The following TMEM131 variants were observed in gnomAD, a reference collection of about 807,000 sequenced individuals.
TMEM131 encodes the protein transmembrane protein 131, also known as 2610524E03Rik.
A neutral mutation model predicts 211.6 loss-of-function variants in TMEM131; 66 were observed. The observed-to-expected ratio is 0.31, with a 90% CI of 0.26 to 0.38. The LOEUF (loss-of-function observed/expected upper bound fraction) is 0.38, where lower values mean the gene tolerates loss of function less well. TMEM131 is among the 10% of genes least tolerant of loss of function. The pLI is 1.00. For synonymous variants in TMEM131, 844 were observed against 841.3 expected (o/e 1.00, Z -0.06); for missense variants, 2,036 against 2,299.3 (o/e 0.89, Z 2.34).
chr2:97,879,893 G>C (rs1448035266), intron 4 of TMEM131, among the ~76,000 whole-genome samples: 4 of 152,180 alleles, frequency 2.6e-5, no homozygotes, highest in African/African-American at 9.7e-5. Context: ...AAAGTTACAT[G>C]TGAATTTTCA....
At chr2:97,876,912 G>C (rs1331752719) in intron 4 of TMEM131, among the ~76,000 whole-genome samples, 1 of 152,122 alleles carries the variant, frequency 6.6e-6, no homozygotes, top group Non-Finnish European at 1.5e-5. Flanking sequence ...AAGTCAAATT[G>C]TATCTGTTTG....
intron 4 of TMEM131, among the ~76,000 whole-genome samples, chr2:97,874,074 C>A (rs1406192570): frequency 6.6e-6 from 1 of 152,106 alleles, no homozygotes; most frequent in South Asian, 2.1e-4. Context: ...CTTTGTGAAG[C>A]ATACACAAGT....
intron 1 of TMEM131, among the ~76,000 whole-genome samples, chr2:97,973,461 T>C (rs112589715): frequency 0.023 from 3,510 of 151,962 alleles, 57 homozygotes; most frequent in Middle Eastern, 0.048. Context: ...GTGGTAGAGC[T>C]TGGTGGATTT....
chr2:97,839,951 T>C (rs1225446750), intron 7 of TMEM131, among the ~76,000 whole-genome samples: 1 of 152,194 alleles, frequency 6.6e-6, no homozygotes, highest in Non-Finnish European at 1.5e-5. Context: ...TTGTTAACAT[T>C]TTTTTCCTGA....
chr2:97,900,960 T>C (rs1331184930), intron 3 of TMEM131, among the ~76,000 whole-genome samples: 2 of 152,192 alleles, frequency 1.3e-5, no homozygotes, highest in Non-Finnish European at 2.9e-5. Flanking sequence ...GCATTCCTGA[T>C]GACTGGCCAT....
intron 25 of TMEM131, among the ~76,000 whole-genome samples, chr2:97,800,632 C>T (rs925060289): frequency 5.4e-5 from 8 of 149,128 alleles, no homozygotes; most frequent in Non-Finnish European, 3.0e-5. Flanking sequence ...GTGGCACGTG[C>T]CTGTAATCCC....
chr2:97,977,897 C>A (rs1679613898), intron 1 of TMEM131, among the ~76,000 whole-genome samples: 1 of 151,956 alleles, frequency 6.6e-6, no homozygotes, highest in Non-Finnish European at 1.5e-5. Flanking sequence ...ACCAACCTGG[C>A]CAACATAGTG....
chr2:97,800,408 G>T (rs1266449428), intron 25 of TMEM131, among the ~76,000 whole-genome samples: 1 of 152,100 alleles, frequency 6.6e-6, no homozygotes, highest in East Asian at 1.9e-4. Context: ...AAATAAGAAA[G>T]TTAAATATTA....
intron 1 of TMEM131, among the ~76,000 whole-genome samples, chr2:97,983,196 T>C (rs536497888): frequency 3.9e-5 from 6 of 152,316 alleles, no homozygotes; most frequent in Admixed American, 3.9e-4. Context: ...TGTTATCATT[T>C]CTACGTTTGT....
intron 1 of TMEM131, among the ~76,000 whole-genome samples, chr2:97,948,275 G>C (rs1678138517): frequency 6.6e-6 from 1 of 152,048 alleles, no homozygotes; most frequent in Non-Finnish European, 1.5e-5. Context: ...CCACAGACTG[G>C]AAATAATATT....
intron 27 of TMEM131, 69 bp from the exon 28 acceptor site, chr2:97,796,473 A>G: frequency 1.0e-6 from 1 of 970,480 alleles, no homozygotes; most frequent in Non-Finnish European, 1.5e-6. Flanking sequence ...AATGATAAAT[A>G]CATTATTCAT....
At chr2:97,805,757 A>C in intron 19 of TMEM131, 54 bp from the exon 20 acceptor site, 1 of 1,489,078 alleles carries the variant, frequency 6.7e-7, no homozygotes, top group Non-Finnish European at 9.0e-7. Context: ...AATTTTCTTA[A>C]GATCACAAGT....
chr2:97,759,187 C>T, intron 39 of TMEM131, 134 bp from the exon 40 acceptor site: 2 of 1,116,072 alleles, frequency 1.8e-6, no homozygotes, highest in Non-Finnish European at 2.6e-6. Context: ...CAGCCCACCA[C>T]AGCCCAGAGG....
At position 97,812,583 on chromosome 2, in the gene TMEM131, T is replaced by C. The variant is rs529672496; in HGVS notation, c.1729-28A>G. On this transcript the variant is annotated intron_variant, in intron 16 of 40. Transcript: ENST00000186436. ...TTAAAAAAAGATATGAAAATGATTA[T>C]CACAACACAAGCATAAAATCCTTAA... 31 of 1,596,014 alleles carry C rather than the reference T, an allele frequency of 1.9e-5. No homozygotes were observed. The Middle Eastern group carries it at 5.0e-4, about 26-fold the overall frequency.
chr2:97,994,783 T>G (rs1680417856), intron 1 of TMEM131, among the ~76,000 whole-genome samples: 1 of 152,220 alleles, frequency 6.6e-6, no homozygotes, highest in Non-Finnish European at 1.5e-5. Context: ...AATGAGATTT[T>G]TAAAATAGGG....
intron 31 of TMEM131, among the ~76,000 whole-genome samples, chr2:97,781,991 C>T (rs554669955): frequency 6.6e-6 from 1 of 152,346 alleles, no homozygotes; most frequent in African/African-American, 2.4e-5. Context: ...TCCACCCTTG[C>T]AAGGCTGTAA....
chr2:97,794,959 A>T lies in TMEM131; in HGVS notation c.3357T>A (p.Ala1119=). The T allele has an allele frequency of 6.2e-7, 1 of 1,602,650 alleles. No individual in the cohort carries two copies. The highest frequency in any genetic ancestry group is 2.2e-5 in the East Asian group (1 of 44,694). The change falls in exon 29 of 41, where the codon GCT becomes GCA. Residue 1119 remains alanine (A), a synonymous_variant. Coordinates refer to ENST00000186436, the MANE Select transcript of TMEM131 (RefSeq NM_015348.2). ...EALPRPNWEL[A]LYIIISGIMS... Reference sequence around the variant, plus strand: ...TTATTCCTGAGATGATGATATACAGAGCCAGTTCCCAGTTAGGTCTGGGTA... The same window carrying T: ...TTATTCCTGAGATGATGATATACAGTGCCAGTTCCCAGTTAGGTCTGGGTA...
intron 1 of TMEM131, among the ~76,000 whole-genome samples, chr2:97,939,269 G>C (rs932539453): frequency 6.6e-6 from 1 of 151,992 alleles, no homozygotes; most frequent in Non-Finnish European, 1.5e-5. Context: ...CAACAAAATT[G>C]ATAGACCTCT....
intron 1 of TMEM131, among the ~76,000 whole-genome samples, chr2:97,974,209 G>A (rs1679426009): frequency 1.3e-5 from 2 of 152,200 alleles, no homozygotes; most frequent in South Asian, 2.1e-4. Flanking sequence ...AAAAAAATGT[G>A]ATGGATGGGA....
Sources: allele counts gnomAD v4.1 joint callset (sites outside exome capture counted in the v4.1 genomes callset), GRCh38; gene constraint gnomAD v4.1.1; transcripts MANE v1.5; gene names NCBI Gene and HGNC (gene_info 2026-07-23, HGNC 2026-07-21).